The following PPP1R3F variants were observed in gnomAD, a reference collection of about 807,000 sequenced individuals.
PPP1R3F encodes the protein protein phosphatase 1 regulatory subunit 3F, also known as protein phosphatase 1, regulatory (inhibitor) subunit 3F.
Under a neutral mutation model 24.2 loss-of-function variants are expected in PPP1R3F, and 29 were observed. The ratio of observed to expected loss-of-function variants is 1.20; its 90% CI spans 0.89 to 1.63. The LOEUF is 1.63. PPP1R3F is among the 40% of genes most tolerant of loss of function. The pLI, the probability that PPP1R3F is intolerant of heterozygous loss-of-function variation, is 0.00. For missense variants in PPP1R3F, 823 were observed against 729.3 expected (o/e 1.13, Z -1.48); for synonymous variants, 363 against 340.1 (o/e 1.07, Z -0.74).
chrX:49,299,332 G>A (rs2147981290), intron 3 of PPP1R3F, among the ~76,000 whole-genome samples: 1 of 112,354 alleles, frequency 8.9e-6, no homozygotes, highest in East Asian at 2.8e-4. Context: ...GGTATCACCA[G>A]CAGAGGCTGC....
downstream of PPP1R3F, among the ~76,000 whole-genome samples, chrX:49,291,291 T>TC: frequency 1.6e-5 from 1 of 61,254 alleles, no homozygotes; most frequent in South Asian, 8.6e-4. Flanking sequence ...CCTACTTTTC[T>TC]CTCTCTCTCT....
Position 49,286,832 on chromosome X carries a change from C to A in PPP1R3F, c.2142C>A (p.Val714=), listed in dbSNP as rs1557121715. 8.3e-7 allele frequency: 1 copy of A among 1,199,064 alleles called. No homozygotes were observed. The highest frequency in any genetic ancestry group is 1.8e-5 in the South Asian group (1 of 54,741). The change falls in exon 4 of 4, where the codon GTC becomes GTA. Residue 714 remains valine (V), a synonymous_variant. Coordinates refer to ENST00000055335, the MANE Select transcript of PPP1R3F (RefSeq NM_033215.5). Reference sequence around the variant, plus strand: ...TCCTCAGTCCCTTGGGGGCCGAAGTCTGTCTCTCTAGTGTAGCCAGGCCTC... The same window carrying A: ...TCCTCAGTCCCTTGGGGGCCGAAGTATGTCTCTCTAGTGTAGCCAGGCCTC... ...PTLLSPLGAE[V]CLSSVARPHV...
intron 3 of PPP1R3F, among the ~76,000 whole-genome samples, chrX:49,300,132 C>T (rs1211650197): frequency 8.9e-6 from 1 of 111,872 alleles, no homozygotes; most frequent in African/African-American, 3.3e-5. Context: ...ACCTAGGGCC[C>T]TGGTGGCATA....
At chrX:49,271,295 A>G (rs782164505) in intron 1 of PPP1R3F, among the ~76,000 whole-genome samples, 1 of 112,296 alleles carries the variant, frequency 8.9e-6, no homozygotes, top group African/African-American at 3.2e-5. Context: ...CCGAATGATG[A>G]TAAAGAAGAG....
At position 49,270,061 on chromosome X, in the gene PPP1R3F, G is replaced by A. The variant is rs1308842653; in HGVS notation, c.192G>A (p.Lys64=). The A allele has an allele frequency of 2.2e-5, 22 of 989,706 alleles. No individual in the cohort carries two copies. Among genetic ancestry groups the A allele is most frequent in the Non-Finnish European group, 2.8e-5 (22 of 790,596 alleles). 81.6% of individuals were successfully genotyped at this position (989,706 alleles called of 1,213,427 possible). Residue 64 remains lysine (K), a synonymous_variant, in exon 1 of 4, where the codon AAG becomes AAA. Transcript: ENST00000055335. ...YRPWGGPGAG[K]MAAAAGQDGG... is the part of the protein sequence containing the mutation. ...CGTGGGGCGGGCCCGGGGCGGGCAA[G>A]ATGGCGGCGGCGGCCGGGCAAGATG...
In PPP1R3F at chrX:49,281,973, C is replaced by T. The variant is rs1557120771; in HGVS notation, c.1061-8C>T. ...TCTTGCCCAATGCTGCCTTTCTCTT[C>T]CCTCTAGCAGAGCATCCTGATGTCC... On this transcript the variant is annotated splice_polypyrimidine_tract_variant and splice_region_variant and intron_variant, in intron 2 of 3. Transcript: ENST00000055335. 8.4e-7 allele frequency: 1 copy of T among 1,192,145 alleles called. No homozygotes were observed. Among genetic ancestry groups the T allele is most frequent in the Non-Finnish European group, 1.1e-6 (1 of 877,700 alleles).
downstream of PPP1R3F, among the ~76,000 whole-genome samples, chrX:49,290,562 G>T (rs1455828013): frequency 3.6e-5 from 4 of 111,258 alleles, no homozygotes; most frequent in South Asian, 3.8e-4. Context: ...CATAAAGGGG[G>T]CTAATGCCCA....
At chrX:49,292,812 C>T (rs1369166976), downstream of PPP1R3F, among the ~76,000 whole-genome samples, 2 of 112,200 alleles carry the variant, frequency 1.8e-5, no homozygotes, top group Non-Finnish European at 3.8e-5. Flanking sequence ...CTATGGGGCT[C>T]AGTCTCCTCA....
intron 1 of PPP1R3F, chrX:49,275,642 G>A (rs1021270867): frequency 2.7e-5 from 3 of 111,986 alleles, no homozygotes; most frequent in Non-Finnish European, 5.6e-5. Flanking sequence ...ATGACTCTCT[G>A]CCCCGCTAGA....
Position 49,301,323 on chromosome X carries a change from G to A in PPP1R3F, c.393-28G>A. ...TATAAATAAACTGCTGTTAAGTAAT[G>A]TTCCCAGTTGTTATGTTTCTGTTAC... On this transcript the variant is annotated intron_variant, in intron 3 of 3. Transcript: ENST00000471261. 3 of 557,015 alleles carry A rather than the reference G, an allele frequency of 5.4e-6. No homozygotes were observed. The South Asian group carries it at 6.7e-5, about 12-fold the overall frequency. 45.9% of individuals were successfully genotyped at this position (557,015 alleles called of 1,213,427 possible).
chrX:49,286,379 C>T lies in PPP1R3F; in HGVS notation c.1689C>T (p.Gly563=), dbSNP rs781816852. Residue 563 remains glycine, a synonymous_variant, in exon 4 of 4, where the codon GGC becomes GGT. Transcript: ENST00000055335. ...ITLHYARLGR[G]VELIKDTEDP... is the part of the protein sequence containing the mutation. Reference sequence around the variant, plus strand: ...TGCACTATGCCCGGCTGGGGCGTGGCGTGGAGCTCATCAAGGACACCGAAG... The same window carrying T: ...TGCACTATGCCCGGCTGGGGCGTGGTGTGGAGCTCATCAAGGACACCGAAG... 1.7e-6 allele frequency: 2 copies of T among 1,190,881 alleles called. No individual in the cohort carries two copies. Among genetic ancestry groups the T allele is most frequent in the African/African-American group, 1.8e-5 (1 of 57,119 alleles).
chrX:49,296,613 G>A (rs62602674), intron 3 of PPP1R3F, among the ~76,000 whole-genome samples: 2 of 111,695 alleles, frequency 1.8e-5, no homozygotes, highest in Non-Finnish European at 3.8e-5. Flanking sequence ...TGATATTAGG[G>A]TGTCGATTTT....
In PPP1R3F at chrX:49,286,827, G is replaced by T. The variant is rs200147161; in HGVS notation, c.2137G>T (p.Glu713Ter). The change falls in exon 4 of 4, where the codon GAA becomes TAA. Residue 713 changes from glutamate (E) to a stop codon, truncating the protein, a stop_gained. Transcript: ENST00000055335. LOFTEE classifies it low-confidence loss of function (END_TRUNC). ...NPTLLSPLGA[E>*]VCLSSVARPH... ...CACCCTCCTCAGTCCCTTGGGGGCC[G>T]AAGTCTGTCTCTCTAGTGTAGCCAG... 3 of 1,200,763 alleles carry T rather than the reference G, an allele frequency of 2.5e-6. No homozygotes were observed. Among genetic ancestry groups the T allele is most frequent in the African/African-American group, 3.5e-5 (2 of 57,715 alleles).
At chrX:49,281,513 C>A in intron 2 of PPP1R3F, 52 bp downstream of exon 2, 1 of 1,001,103 alleles carries the variant, frequency 1.0e-6, no homozygotes, top group Non-Finnish European at 1.4e-6. Flanking sequence ...CCATGTCTTT[C>A]TTCCTACTGT....
chrX:49,294,267 AT>A (rs1170868838), intron 3 of PPP1R3F, among the ~76,000 whole-genome samples: 158 of 98,058 alleles, frequency 1.6e-3, no homozygotes, highest in Admixed American at 1.4e-3. Context: ...CCATCACTAC[AT>A]TTTTTTTTTT....
intron 1 of PPP1R3F, chrX:49,281,076 G>A (rs1557120655): frequency 5.0e-6 from 1 of 201,322 alleles, no homozygotes; most frequent in East Asian, 9.3e-5. Flanking sequence ...CTGTTAAATG[G>A]ACAAAGCTAG....
At position 49,270,166 on chromosome X, in the gene PPP1R3F, C is replaced by A. The variant is rs1416264405; in HGVS notation, c.297C>A (p.Pro99=). Residue 99 remains proline (P), a synonymous_variant, in exon 1 of 4, where the codon CCC becomes CCA. Coordinates refer to ENST00000055335, the MANE Select transcript of PPP1R3F (RefSeq NM_033215.5). The part of the protein sequence containing the change: ...DEGEEEEEAC[P]EPSPLCPVPA... ...GGGAGGAGGAAGAGGAGGCTTGCCC[C>A]GAGCCCTCACCGCTGTGCCCCGTCC... 2 of 1,094,524 alleles carry A rather than the reference C, an allele frequency of 1.8e-6. No homozygotes were observed. The highest frequency in any genetic ancestry group is 2.4e-6 in the Non-Finnish European group (2 of 845,100). 90.2% of individuals were successfully genotyped at this position (1,094,524 alleles called of 1,213,427 possible).
At chrX:49,282,320 G>A (rs782682573) in intron 3 of PPP1R3F, among the ~76,000 whole-genome samples, 2 of 111,815 alleles carry the variant, frequency 1.8e-5, no homozygotes, top group African/African-American at 6.5e-5. Context: ...ATGCAAAAAC[G>A]CTCTTTGAGG....
chrX:49,290,130 C>T (rs993594126), downstream of PPP1R3F, among the ~76,000 whole-genome samples: 1 of 111,621 alleles, frequency 9.0e-6, no homozygotes, highest in Non-Finnish European at 1.9e-5. Flanking sequence ...GCAAAGACCT[C>T]ACAAGTGAAG....
Sources: gnomAD v4.1 joint callset for allele counts (sites outside exome capture counted in the v4.1 genomes callset) on GRCh38, gnomAD v4.1.1 for gene constraint, MANE v1.5 for transcripts, NCBI Gene and HGNC (gene_info 2026-07-23, HGNC 2026-07-21) for gene names.